The following GPC6 variants were observed in gnomAD, a reference collection of about 807,000 sequenced individuals.
The protein encoded by GPC6 is glypican 6.
GPC6 carries 14 observed loss-of-function variants against 55.2 expected under a neutral mutation model. That is an observed-to-expected ratio of 0.25 (90% CI 0.17 to 0.40). GPC6 has a LOEUF of 0.40. Among genes scored for constraint, GPC6 ranks in the 10% least tolerant of loss-of-function variants. GPC6 has a pLI of 1.00. For missense variants in GPC6, 641 were observed against 708.5 expected (o/e 0.90, Z 1.08); for synonymous variants, 278 against 259.6 (o/e 1.07, Z -0.68).
intron 4 of GPC6, among the ~76,000 whole-genome samples, chr13:94,030,809 C>A (rs1395770478): frequency 6.6e-6 from 1 of 152,216 alleles, no homozygotes; most frequent in Middle Eastern, 3.4e-3. Flanking sequence ...GGTATGCAAT[C>A]GACCGTCAAT....
chr13:93,368,390 G>A (rs112060307), intron 1 of GPC6, among the ~76,000 whole-genome samples: 1,348 of 56,312 alleles, frequency 0.024, 30 homozygotes, highest in African/African-American at 0.065. Context: ...CCTTCCTTCC[G>A]TCCTTCCTTC....
At chr13:93,325,365 AT>A (rs575429488) in intron 1 of GPC6, among the ~76,000 whole-genome samples, 105 of 152,254 alleles carry the variant, frequency 6.9e-4, no homozygotes, top group African/African-American at 2.3e-3. Context: ...CATGCAATGC[AT>A]TGCTTTATAC....
intron 1 of GPC6, among the ~76,000 whole-genome samples, chr13:93,439,707 AAT>A: frequency 6.6e-6 from 1 of 151,108 alleles, no homozygotes; most frequent in African/African-American, 2.4e-5. Flanking sequence ...AATAAAATAA[AAT>A]AAAATAAAAT....
intron 2 of GPC6, among the ~76,000 whole-genome samples, chr13:93,667,741 T>TG (rs1168204481): frequency 7.2e-6 from 1 of 138,800 alleles, no homozygotes; most frequent in African/African-American, 3.4e-5. Flanking sequence ...ACTTGTTTTT[T>TG]TTTTTTTCTG....
intron 2 of GPC6, among the ~76,000 whole-genome samples, chr13:93,614,770 A>G (rs1423027116): frequency 6.6e-6 from 1 of 152,208 alleles, no homozygotes. Context: ...GTAAAGAAAA[A>G]TACACCATTC....
At chr13:94,301,794 AGCTG>A (rs1190562239) in intron 5 of GPC6, among the ~76,000 whole-genome samples, 6 of 152,238 alleles carry the variant, frequency 3.9e-5, no homozygotes, top group African/African-American at 7.2e-5. Flanking sequence ...ACCATCTTTA[AGCTG>A]ATGATCCCAA....
At chr13:93,296,148 T>C (rs1287213118) in intron 1 of GPC6, among the ~76,000 whole-genome samples, 5 of 152,214 alleles carry the variant, frequency 3.3e-5, no homozygotes, top group African/African-American at 1.2e-4. Flanking sequence ...TCTTTCCATT[T>C]CTATTTCAAT....
chr13:94,275,403 A>G (rs1312424337), intron 4 of GPC6, among the ~76,000 whole-genome samples: 1 of 152,154 alleles, frequency 6.6e-6, no homozygotes, highest in African/African-American at 2.4e-5. Context: ...CTACATCTAG[A>G]GGGAGAATAT....
intron 4 of GPC6, among the ~76,000 whole-genome samples, chr13:94,180,629 A>G (rs1010285526): frequency 4.6e-5 from 7 of 152,146 alleles, no homozygotes; most frequent in South Asian, 2.1e-4. Context: ...TCCCTTAGCA[A>G]TCAATGTTTA....
At chr13:93,339,584 G>C (rs1486494650) in intron 1 of GPC6, among the ~76,000 whole-genome samples, 1 of 152,192 alleles carries the variant, frequency 6.6e-6, no homozygotes, top group Non-Finnish European at 1.5e-5. Flanking sequence ...CTGAGGTTAG[G>C]AACTGACAGT....
chr13:94,229,899 CA>C (rs1401199237), intron 4 of GPC6, among the ~76,000 whole-genome samples: 3 of 152,136 alleles, frequency 2.0e-5, no homozygotes, highest in Non-Finnish European at 2.9e-5. Flanking sequence ...TTTCAGGATA[CA>C]TTTGGTGACA....
At chr13:94,073,907 C>A (rs9516343) in intron 4 of GPC6, among the ~76,000 whole-genome samples, 21,396 of 152,054 alleles carry the variant, frequency 0.14, 1,921 homozygotes, top group South Asian at 0.25. Context: ...GCACTATGTC[C>A]CATCTCTTTG....
intron 1 of GPC6, among the ~76,000 whole-genome samples, chr13:93,257,134 T>C (rs6492656): frequency 0.29 from 43,797 of 151,606 alleles, 6,336 homozygotes; most frequent in South Asian, 0.33. Flanking sequence ...GTGAGATCTT[T>C]TCTCTACCAA....
At chr13:94,366,010 G>GACTT (rs1215191226) in intron 6 of GPC6, among the ~76,000 whole-genome samples, 1 of 152,136 alleles carries the variant, frequency 6.6e-6, no homozygotes, top group Non-Finnish European at 1.5e-5. Context: ...TTAATTAGCA[G>GACTT]ACTTACTTGT....
At chr13:93,570,596 T>A (rs1876356082) in intron 2 of GPC6, among the ~76,000 whole-genome samples, 1 of 152,128 alleles carries the variant, frequency 6.6e-6, no homozygotes, top group Admixed American at 6.6e-5. Flanking sequence ...AAAGTGAATG[T>A]TTTCTGTTCT....
intron 1 of GPC6, among the ~76,000 whole-genome samples, chr13:93,442,890 TTATAA>T (rs1877857773): frequency 6.6e-6 from 1 of 152,192 alleles, no homozygotes; most frequent in Non-Finnish European, 1.5e-5. Context: ...GATTGGTAAT[TTATAA>T]TATAACATTA....
chr13:93,263,210 G>A (rs1877209459), intron 1 of GPC6, among the ~76,000 whole-genome samples: 1 of 152,094 alleles, frequency 6.6e-6, no homozygotes, highest in South Asian at 2.1e-4. Context: ...GGAGCCAGTT[G>A]GTCTTAGCCA....
At chr13:93,538,038 A>C (rs1882128735) in intron 1 of GPC6, among the ~76,000 whole-genome samples, 1 of 152,180 alleles carries the variant, frequency 6.6e-6, no homozygotes, top group Non-Finnish European at 1.5e-5. Context: ...TTGCAGGATG[A>C]AAGGTTGTCT....
intron 4 of GPC6, among the ~76,000 whole-genome samples, chr13:94,082,491 C>G (rs1238411693): frequency 6.6e-6 from 1 of 152,158 alleles, no homozygotes; most frequent in East Asian, 1.9e-4. Context: ...AGGTCTTCCC[C>G]TTTTCCTCTC....
Sources: allele counts gnomAD v4.1 joint callset (sites outside exome capture counted in the v4.1 genomes callset), GRCh38; gene constraint gnomAD v4.1.1; transcripts MANE v1.5; gene names NCBI Gene and HGNC (gene_info 2026-07-23, HGNC 2026-07-21).